The following GLIS3 variants were observed in gnomAD, a reference collection of about 807,000 sequenced individuals.
GLIS3 encodes the protein GLIS family zinc finger 3.
In GLIS3, 53 loss-of-function variants were observed where a neutral mutation model predicts 78.6. The observed-to-expected ratio is 0.67, with a 90% confidence interval of 0.54 to 0.85. The LOEUF is 0.85. Ranked by LOEUF, GLIS3 falls within the 40% of genes least tolerant of loss-of-function variation. The probability of loss-of-function intolerance (pLI) is 0.00; values close to 1 mark genes in which losing one functional copy is unlikely to be tolerated. For synonymous variants in GLIS3, 684 were observed against 509.9 expected (o/e 1.34, Z -4.60); for missense variants, 1,703 against 1,231.1 (o/e 1.38, Z -5.74).
intron 2 of GLIS3, among the ~76,000 whole-genome samples, chr9:4,208,913 G>T (rs1820120195): frequency 6.6e-6 from 1 of 152,100 alleles, no homozygotes; most frequent in African/African-American, 2.4e-5. Context: ...CATAATAAAG[G>T]CTGTCTGGAT....
intron 2 of GLIS3, among the ~76,000 whole-genome samples, chr9:4,278,102 G>A (rs150870740): frequency 2.1e-3 from 325 of 152,274 alleles, no homozygotes; most frequent in African/African-American, 7.6e-3. Flanking sequence ...GTCGTAGACA[G>A]AGCAAAAAAA....
intron 4 of GLIS3, among the ~76,000 whole-genome samples, chr9:4,007,807 A>G (rs1017937264): frequency 2.0e-5 from 3 of 148,740 alleles, no homozygotes; most frequent in African/African-American, 7.4e-5. Flanking sequence ...CTTTGGAAGG[A>G]TCAGGACTTG....
chr9:3,869,137 TAAAC>T (rs1411750895), intron 8 of GLIS3, among the ~76,000 whole-genome samples: 2 of 152,170 alleles, frequency 1.3e-5, no homozygotes, highest in Non-Finnish European at 2.9e-5. Context: ...CGAAAGACAA[TAAAC>T]AAAACAACAG....
chr9:3,886,239 G>A (rs1420273695), intron 7 of GLIS3, among the ~76,000 whole-genome samples: 2 of 152,264 alleles, frequency 1.3e-5, no homozygotes, highest in East Asian at 3.9e-4. Context: ...AAATGCAGAA[G>A]AGTTTACATA....
chr9:4,149,823 A>G (rs1456916558), intron 2 of GLIS3, among the ~76,000 whole-genome samples: 1 of 152,236 alleles, frequency 6.6e-6, no homozygotes, highest in East Asian at 1.9e-4. Flanking sequence ...AAGGTAGGAT[A>G]AAAAAGCTAC....
chr9:3,900,140 A>C (rs1823179896), intron 6 of GLIS3, among the ~76,000 whole-genome samples: 1 of 151,876 alleles, frequency 6.6e-6, no homozygotes, highest in Admixed American at 6.6e-5. Context: ...GGAGGTGGAA[A>C]TGGGAAGGAG....
At chr9:4,083,804 G>A (rs1020388614) in intron 4 of GLIS3, among the ~76,000 whole-genome samples, 1 of 152,216 alleles carries the variant, frequency 6.6e-6, no homozygotes, top group African/African-American at 2.4e-5. Flanking sequence ...ATCTATGCAA[G>A]ATGACCAGCT....
chr9:4,351,303 G>A (rs1361937181), upstream of GLIS3, among the ~76,000 whole-genome samples: 2 of 151,744 alleles, frequency 1.3e-5, no homozygotes, highest in African/African-American at 2.4e-5. Context: ...AAGCTGGGAG[G>A]CTGAGGAAGG....
In GLIS3 at chr9:3,941,377, T is replaced by C. The variant is rs146414181; in HGVS notation, c.1711-4188A>G. 2.6e-4 allele frequency among the ~76,000 whole-genome samples: 40 copies of C among 151,976 alleles called. No individual in the cohort carries two copies. The East Asian group carries it at 7.3e-3, about 28-fold the overall frequency. Reference sequence around the variant, plus strand: ...ATTTTATTTATTTATTTATTTATTTTATTTTTTTTAAAATTATACTTTAAG... The same window carrying C: ...ATTTTATTTATTTATTTATTTATTTCATTTTTTTTAAAATTATACTTTAAG... On this transcript the variant is annotated intron_variant, in intron 4 of 10. Transcript: ENST00000381971.
chr9:4,233,250 T>A (rs1275254191), intron 2 of GLIS3, among the ~76,000 whole-genome samples: 4 of 152,164 alleles, frequency 2.6e-5, no homozygotes, highest in Non-Finnish European at 4.4e-5. Context: ...ACACCCCAAG[T>A]TATAGCTGGC....
At chr9:3,943,139 C>T (rs1275191385) in intron 4 of GLIS3, among the ~76,000 whole-genome samples, 2 of 152,176 alleles carry the variant, frequency 1.3e-5, no homozygotes, top group Admixed American at 6.5e-5. Context: ...TCACCTCATG[C>T]CACTCTGGTT....
chr9:4,277,710 C>G (rs1340727141), intron 2 of GLIS3, among the ~76,000 whole-genome samples: 1 of 152,112 alleles, frequency 6.6e-6, no homozygotes, highest in Non-Finnish European at 1.5e-5. Flanking sequence ...GAAAATCTTC[C>G]CAATTATATA....
At chr9:3,879,302 G>A (rs1186721952) in intron 8 of GLIS3, 125 bp downstream of exon 8, 5 of 883,782 alleles carry the variant, frequency 5.7e-6, no homozygotes, top group Admixed American at 3.6e-5. Context: ...CTTTTAAAAT[G>A]TCACCTTTGG....
chr9:4,302,475 T>C (rs137994903), upstream of GLIS3, among the ~76,000 whole-genome samples: 46 of 152,356 alleles, frequency 3.0e-4, no homozygotes, highest in African/African-American at 9.6e-4. Context: ...GTAGGCATTG[T>C]ATATGGGAGG....
intron 2 of GLIS3, among the ~76,000 whole-genome samples, chr9:4,234,420 T>C (rs1822533054): frequency 6.6e-6 from 1 of 152,098 alleles, no homozygotes. Flanking sequence ...GGGAGAGAGA[T>C]AGGGAATGGG....
At chr9:4,350,122 G>C (rs1817948544), upstream of GLIS3, among the ~76,000 whole-genome samples, 1 of 152,228 alleles carries the variant, frequency 6.6e-6, no homozygotes, top group South Asian at 2.1e-4. Flanking sequence ...ATCAGGCATA[G>C]GAGTTCCATC....
In GLIS3 at chr9:3,826,754, T is replaced by C. The variant is rs990940683; in HGVS notation, c.*1518A>G. ...ACATCAAGCTGTTTTAGTTGTCTTG[T>C]TGAAGATTGTAATGATCTCAGTTTG... On this transcript the variant is annotated 3_prime_UTR_variant, in exon 11 of 11. Coordinates refer to ENST00000381971, the MANE Select transcript of GLIS3 (RefSeq NM_001042413.2). 2.0e-5 allele frequency: 3 copies of C among 152,224 alleles called. No homozygotes were observed. Among genetic ancestry groups the C allele is most frequent in the Non-Finnish European group, 4.4e-5 (3 of 68,040 alleles). 9.4% of individuals were successfully genotyped at this position (152,224 alleles called of 1,614,324 possible).
chr9:4,415,583 A>G, the GLIS3 span, among the ~76,000 whole-genome samples: 1 of 152,204 alleles, frequency 6.6e-6, no homozygotes, highest in Admixed American at 6.5e-5. Context: ...AATGAAATTA[A>G]CAACTCAGAT....
chr9:4,348,267 T>TATTAGC (rs772289183), exon 1 of GLIS3: 8 of 152,356 alleles, frequency 5.3e-5, no homozygotes, highest in Non-Finnish European at 1.2e-4. Context: ...TCCATGCTAA[T>TATTAGC]ATGGTGTCTT....
Sources: allele counts gnomAD v4.1 joint callset (sites outside exome capture counted in the v4.1 genomes callset), GRCh38; gene constraint gnomAD v4.1.1; transcripts MANE v1.5; gene names NCBI Gene and HGNC (gene_info 2026-07-23, HGNC 2026-07-21).